The following ATR variants were observed in gnomAD, a reference collection of about 807,000 sequenced individuals.
ATR encodes the protein serine/threonine-protein kinase ATR.
Under a neutral mutation model 305.3 loss-of-function variants are expected in ATR, and 142 were observed. That is an observed-to-expected ratio of 0.47 (90% CI 0.41 to 0.53). ATR has a LOEUF of 0.53. Ranked by LOEUF, ATR falls within the 20% of genes least tolerant of loss-of-function variation. The pLI is 0.00. For missense variants in ATR, 2,135 were observed against 3,133.1 expected (o/e 0.68, Z 7.60); for synonymous variants, 1,050 against 1,068.1 (o/e 0.98, Z 0.33).
chr3:142,458,349 G>A (rs2070951831), intron 44 of ATR, among the ~76,000 whole-genome samples: 2 of 152,106 alleles, frequency 1.3e-5, no homozygotes, highest in South Asian at 2.1e-4. Context: ...TCTCTGATTT[G>A]TTCTCAGTTG....
intron 28 of ATR, among the ~76,000 whole-genome samples, chr3:142,505,540 T>C (rs2032192549): frequency 6.6e-6 from 1 of 152,238 alleles, no homozygotes; most frequent in Non-Finnish European, 1.5e-5. Flanking sequence ...ATAGCTGTTA[T>C]TGATCATAAG....
intron 36 of ATR, among the ~76,000 whole-genome samples, chr3:142,474,866 A>G (rs909771698): frequency 6.6e-6 from 1 of 152,050 alleles, no homozygotes; most frequent in Non-Finnish European, 1.5e-5. Flanking sequence ...GTTATCATAC[A>G]TGGTCTTTAC....
chr3:142,575,441 G>A (rs930971388), intron 1 of ATR, among the ~76,000 whole-genome samples: 5 of 146,918 alleles, frequency 3.4e-5, no homozygotes, highest in East Asian at 2.0e-4. Flanking sequence ...CAGAGATCAC[G>A]CCACTGGAGA....
At chr3:142,472,085 T>TTGTGTGTGTGTGTGTGTGTGTGTG (rs34342996) in intron 36 of ATR, 1 of 144,126 alleles carries the variant, frequency 6.9e-6, no homozygotes, top group African/African-American at 2.6e-5. Context: ...TAGTATTCCA[T>TTGTGTGTGTGTGTGTGTGTGTGTG]TGTGTGTGTG....
intron 41 of ATR, among the ~76,000 whole-genome samples, chr3:142,462,355 T>C (rs2071037958): frequency 6.6e-6 from 1 of 152,190 alleles, no homozygotes; most frequent in South Asian, 2.1e-4. Context: ...AATATTGTAT[T>C]TAAAATATTT....
At chr3:142,461,856 T>G in intron 42 of ATR, 84 bp downstream of exon 42, 1 of 1,426,686 alleles carries the variant, frequency 7.0e-7, no homozygotes, top group Non-Finnish European at 9.8e-7. Flanking sequence ...AAAAAACATA[T>G]GCTAGCATAT....
chr3:142,538,088 G>T (rs2033920759), intron 19 of ATR, among the ~76,000 whole-genome samples: 1 of 152,142 alleles, frequency 6.6e-6, no homozygotes. Context: ...AGGAAGAGAG[G>T]CTGGTTCAAA....
Position 142,524,211 on chromosome 3 carries a change from G to C in ATR, c.3946-12C>G, listed in dbSNP as rs1328942056. On this transcript the variant is annotated splice_polypyrimidine_tract_variant and intron_variant, in intron 21 of 46. Transcript: ENST00000350721. ...TTTATCAGTTTTTCCTAAAATAAAAGTAGAAAGAAAATTTATACGTAATTT... is the reference window on the plus strand; with the variant it reads ...TTTATCAGTTTTTCCTAAAATAAAACTAGAAAGAAAATTTATACGTAATTT... 6.3e-7 allele frequency: 1 copy of C among 1,598,244 alleles called. No homozygotes were observed. The highest frequency in any genetic ancestry group is 1.7e-5 in the Admixed American group (1 of 59,878).
chr3:142,536,666 G>A (rs1053747977), intron 19 of ATR, among the ~76,000 whole-genome samples: 3 of 152,176 alleles, frequency 2.0e-5, no homozygotes, highest in African/African-American at 4.8e-5. Context: ...GAGACTACAC[G>A]GAATGAGAGA....
chr3:142,537,723 A>G (rs757931998), intron 19 of ATR, among the ~76,000 whole-genome samples: 3 of 152,166 alleles, frequency 2.0e-5, no homozygotes, highest in African/African-American at 4.8e-5. Context: ...ATGATTATAT[A>G]CAACATTAAG....
intron 30 of ATR, among the ~76,000 whole-genome samples, chr3:142,500,915 T>C (rs1189861229): frequency 2.0e-5 from 3 of 152,102 alleles, no homozygotes; most frequent in Non-Finnish European, 4.4e-5. Context: ...ATCTATGGGA[T>C]ATCAGATAAC....
intron 36 of ATR, among the ~76,000 whole-genome samples, chr3:142,483,534 T>C (rs1337022951): frequency 6.6e-6 from 1 of 152,142 alleles, no homozygotes; most frequent in East Asian, 1.9e-4. Context: ...AAGTACTCCA[T>C]TGCAATAAAA....
In ATR at chr3:142,469,362, ATTGC is replaced by A. The variant is rs2071204444; in HGVS notation, c.6523_6526del (p.Ala2175CysfsTer3). 6.2e-7 allele frequency: 1 copy of A among 1,613,694 alleles called. No homozygotes were observed. The highest frequency in any genetic ancestry group is 1.1e-5 in the South Asian group (1 of 91,080). On this transcript the variant is annotated frameshift_variant, in exon 38 of 47. Transcript: ENST00000350721. LOFTEE classifies it high-confidence loss of function. ...CTTTGACACAGCTGTCATCATCCAC[ATTGC>A]TTGTTGAGGATAGGCTAGAAATACT...
chr3:142,528,520 T>C (rs2033491130), intron 21 of ATR, among the ~76,000 whole-genome samples: 1 of 152,184 alleles, frequency 6.6e-6, no homozygotes, highest in Non-Finnish European at 1.5e-5. Flanking sequence ...ATTCCTGCTT[T>C]CTTATACTTT....
intron 32 of ATR, 87 bp from the exon 33 acceptor site, chr3:142,497,279 T>G: frequency 2.2e-6 from 3 of 1,341,174 alleles, no homozygotes; most frequent in Non-Finnish European, 3.1e-6. Flanking sequence ...AAATCAGAAA[T>G]AAAGAATTTA....
rs1489700338 is a variant in ATR, at chr3:142,542,502, C to A, written c.3450+163G>T. Among the ~76,000 whole-genome samples, 4 of 152,258 alleles carry A rather than the reference C, an allele frequency of 2.6e-5. No homozygotes were observed. The East Asian group carries it at 5.8e-4, about 22-fold the overall frequency. Reference sequence around the variant, plus strand: ...CTAAACTAAAGAAATGAAACGAATACAATTCCAATTTTTAGACTCCCAAAA... The same window carrying A: ...CTAAACTAAAGAAATGAAACGAATAAAATTCCAATTTTTAGACTCCCAAAA... On this transcript the variant is annotated intron_variant, in intron 17 of 46. Coordinates refer to ENST00000350721, the MANE Select transcript of ATR (RefSeq NM_001184.4).
At position 142,515,466 on chromosome 3, in the gene ATR, T is replaced by C. The variant is rs1175020652; in HGVS notation, c.4432A>G (p.Ile1478Val). The change falls in exon 25 of 47, where the codon ATT becomes GTT. Residue 1478 changes from isoleucine to valine, a missense_variant. Physicochemically the swap from Ile to Val is conservative, Grantham distance 29. Transcript: ENST00000350721. Reference sequence around the variant, plus strand: ...TTACTACCCAATTTACTTAAGTAAATTGGCTTCTTTACTCCAGACCAATCG... The same window carrying C: ...TTACTACCCAATTTACTTAAGTAAACTGGCTTCTTTACTCCAGACCAATCG... ...STDWSGVKKP[I>V]YLSKLGSNFA... 3 of 1,613,120 alleles carry C rather than the reference T, an allele frequency of 1.9e-6. No individual in the cohort carries two copies. The East Asian group carries it at 6.7e-5, about 36-fold the overall frequency.
At chr3:142,487,847 G>C (rs1358441407) in intron 35 of ATR, among the ~76,000 whole-genome samples, 1 of 152,158 alleles carries the variant, frequency 6.6e-6, no homozygotes, top group Non-Finnish European at 1.5e-5. Context: ...GTTTACTTTT[G>C]TTTATGGTGG....
At position 142,503,552 on chromosome 3, in the gene ATR, C is replaced by T. The variant is rs191852383; in HGVS notation, c.5197-99G>A. ...GATATTCTTTAAAAATTACTATTTA[C>T]CTTATTGCCCTTATTTTTTTATTAT... On this transcript the variant is annotated intron_variant, in intron 29 of 46. Coordinates refer to ENST00000350721, the MANE Select transcript of ATR (RefSeq NM_001184.4). 1.5e-3 allele frequency: 846 copies of T among 549,620 alleles called. 9 individuals carry two copies. The highest frequency in any genetic ancestry group is 0.015 in the African/African-American group (751 of 50,650). The allele number at this position is 549,620 out of a possible 1,614,324, so 34.0% of individuals were successfully genotyped here.
Sources: allele counts gnomAD v4.1 joint callset (sites outside exome capture counted in the v4.1 genomes callset), GRCh38; gene constraint gnomAD v4.1.1; transcripts MANE v1.5; gene names NCBI Gene and HGNC (gene_info 2026-07-23, HGNC 2026-07-21).